Variants in DOCK5 observed in about 807,000 individuals in gnomAD.
The protein encoded by DOCK5 is dedicator of cytokinesis protein 5.
In DOCK5, 142 loss-of-function variants were observed where a neutral mutation model predicts 251.8. The ratio of observed to expected loss-of-function variants is 0.56; its 90% confidence interval spans 0.49 to 0.65. DOCK5 has a LOEUF of 0.65. Ranked by LOEUF, DOCK5 falls within the 30% of genes least tolerant of loss-of-function variation. DOCK5 has a pLI of 0.00. For synonymous variants in DOCK5, 842 were observed against 835.5 expected (o/e 1.01, Z -0.13); for missense variants, 2,111 against 2,312.3 (o/e 0.91, Z 1.79).
At chr8:25,225,442 C>T (rs1039092403) in intron 1 of DOCK5, among the ~76,000 whole-genome samples, 6 of 152,288 alleles carry the variant, frequency 3.9e-5, no homozygotes, top group African/African-American at 1.4e-4. Context: ...CGTGGTGGCT[C>T]ACGCCTGTAA....
At chr8:25,310,222 AT>A (rs1217286819) in intron 12 of DOCK5, among the ~76,000 whole-genome samples, 184 bp from the exon 13 acceptor site, 2 of 152,030 alleles carry the variant, frequency 1.3e-5, no homozygotes, top group Non-Finnish European at 2.9e-5. Context: ...TCTCTGTCAA[AT>A]TCTCAAAGAG....
intron 2 of DOCK5, among the ~76,000 whole-genome samples, chr8:25,254,958 T>A (rs1430247690): frequency 6.6e-6 from 1 of 151,986 alleles, no homozygotes; most frequent in East Asian, 1.9e-4. Context: ...TGAAAAGATA[T>A]TCAGCATCAT....
intron 3 of DOCK5, among the ~76,000 whole-genome samples, chr8:25,271,862 C>G (rs1010682695): frequency 2.6e-5 from 4 of 152,268 alleles, no homozygotes; most frequent in Middle Eastern, 3.4e-3. Flanking sequence ...AGGAGTCATT[C>G]TATAAGCATC....
chr8:25,406,648 G>A (rs1244447072), intron 48 of DOCK5, among the ~76,000 whole-genome samples: 1 of 151,464 alleles, frequency 6.6e-6, no homozygotes, highest in Non-Finnish European at 1.5e-5. Flanking sequence ...TTTTTTTTGA[G>A]ACAGAGTCTC....
rs1801237032 is a variant in DOCK5, at chr8:25,390,402, T to C, written c.4355+115T>C. ...GAGGAGTATTGCTCGAAGCCAGGAA[T>C]TTGAGACCAGCCTGGGCAACAAAGT... On this transcript the variant is annotated intron_variant, in intron 42 of 51. Coordinates refer to ENST00000276440, the MANE Select transcript of DOCK5 (RefSeq NM_024940.8). The C allele has an allele frequency of 4.4e-6, 4 of 905,540 alleles. No individual in the cohort carries two copies. The South Asian group carries it at 7.2e-5, about 16-fold the overall frequency. The allele number at this position is 905,540 out of a possible 1,614,324, so 56.1% of individuals were successfully genotyped here.
chr8:25,392,856 T>C lies in DOCK5; in HGVS notation c.4501T>C (p.Trp1501Arg). The C allele has an allele frequency of 6.2e-7, 1 of 1,612,758 alleles. No homozygotes were observed. The highest frequency in any genetic ancestry group is 8.5e-7 in the Non-Finnish European group (1 of 1,179,402). Reference sequence around the variant, plus strand: ...ATATACCTTTCCTGGGATTCTCAAGTGGTTTGAAGTCAAACAGATTTCAAC... The same window carrying C: ...ATATACCTTTCCTGGGATTCTCAAGCGGTTTGAAGTCAAACAGATTTCAAC... Reference protein sequence around the residue: ...TAYTFPGILKWFEVKQISTEE... With the variant: ...TAYTFPGILKRFEVKQISTEE... Residue 1501 changes from tryptophan to arginine, a missense_variant, in exon 44 of 52, where the codon TGG (tryptophan) becomes CGG (arginine). Trp to Arg is a moderately radical substitution (Grantham distance 101). This residue lies in a region of DOCK5 where 1,717 missense variants were observed against 1,892.4 expected (regional missense o/e 0.91). Transcript: ENST00000276440.
intron 1 of DOCK5, among the ~76,000 whole-genome samples, chr8:25,195,345 A>C (rs183498453): frequency 9.7e-5 from 14 of 145,010 alleles, no homozygotes; most frequent in African/African-American, 3.6e-4. Context: ...CTCCTGCCTC[A>C]GCCTCACAAG....
At position 25,190,775 on chromosome 8, in the gene DOCK5, G is replaced by GTTTTTTTTTT. The variant is rs755511798; in HGVS notation, c.43+5824_43+5825insTTTTTTTTTT. ...AAGGCCTGGCCTTAACTTGGTCATG[G>GTTTTTTTTTT]GTTTTTTTTTTTTTTTTTTTTTTTT... On this transcript the variant is annotated intron_variant, in intron 1 of 51. Coordinates refer to ENST00000276440, the MANE Select transcript of DOCK5 (RefSeq NM_024940.8). Among the ~76,000 whole-genome samples the GTTTTTTTTTT allele has an allele frequency of 1.3e-3, 72 of 53,972 alleles. 14 individuals carry two copies. Among genetic ancestry groups the GTTTTTTTTTT allele is most frequent in the African/African-American group, 3.4e-3 (50 of 14,876 alleles). The allele number at this position is 53,972 out of a possible 152,430, so 35.4% of individuals were successfully genotyped here.
chr8:25,347,939 G>A (rs544223583), intron 26 of DOCK5, among the ~76,000 whole-genome samples: 1 of 152,220 alleles, frequency 6.6e-6, no homozygotes, highest in South Asian at 2.1e-4. Context: ...TTTAAATCCT[G>A]TGCAAGGAGA....
At chr8:25,246,359 C>T (rs1331959760) in intron 2 of DOCK5, among the ~76,000 whole-genome samples, 6 of 152,066 alleles carry the variant, frequency 3.9e-5, no homozygotes, top group Non-Finnish European at 7.4e-5. Flanking sequence ...CTGTGATCTC[C>T]GTCTCCCGAG....
At chr8:25,245,792 G>A (rs186523073) in intron 2 of DOCK5, among the ~76,000 whole-genome samples, 10 of 152,194 alleles carry the variant, frequency 6.6e-5, no homozygotes, top group African/African-American at 2.4e-4. Context: ...GCCCCATCTT[G>A]GCCTCCCCAA....
intron 36 of DOCK5, among the ~76,000 whole-genome samples, chr8:25,374,010 A>G (rs17053499): frequency 6.6e-6 from 1 of 152,092 alleles, no homozygotes; most frequent in Non-Finnish European, 1.5e-5. Context: ...TACGTAACCA[A>G]CGTGCATGTT....
intron 13 of DOCK5, among the ~76,000 whole-genome samples, chr8:25,313,605 G>C (rs1363904985): frequency 6.6e-6 from 1 of 152,146 alleles, no homozygotes; most frequent in Non-Finnish European, 1.5e-5. Flanking sequence ...CCACGGACTG[G>C]GTGGCGTCAA....
intron 1 of DOCK5, among the ~76,000 whole-genome samples, chr8:25,240,371 T>A (rs914199393): frequency 6.6e-6 from 1 of 152,152 alleles, no homozygotes; most frequent in Non-Finnish European, 1.5e-5. Flanking sequence ...TTTAGTAAAT[T>A]TACAGAGTTG....
intron 1 of DOCK5, among the ~76,000 whole-genome samples, chr8:25,230,169 A>T (rs563946134): frequency 7.9e-5 from 12 of 152,312 alleles, no homozygotes; most frequent in African/African-American, 2.4e-4. Context: ...TAAAACGAGG[A>T]CTATGAGCTC....
chr8:25,216,978 A>G lies in DOCK5; in HGVS notation c.44-26696A>G, dbSNP rs540511049. Among the ~76,000 whole-genome samples the G allele has an allele frequency of 2.3e-4, 26 of 114,448 alleles. No homozygotes were observed. In the East Asian group the frequency reaches 6.5e-3, roughly 29 times the overall value. 75.1% of individuals were successfully genotyped at this position (114,448 alleles called of 152,430 possible). On this transcript the variant is annotated intron_variant, in intron 1 of 51. Transcript: ENST00000276440. ...ATGTATAGATGTATACAATATGTGTATACAATATGTATAGATGTATACAAT... is the reference window on the plus strand; with the variant it reads ...ATGTATAGATGTATACAATATGTGTGTACAATATGTATAGATGTATACAAT...
intron 21 of DOCK5, among the ~76,000 whole-genome samples, chr8:25,335,693 C>G (rs1407894191): frequency 6.6e-6 from 1 of 152,118 alleles, no homozygotes; most frequent in Non-Finnish European, 1.5e-5. Flanking sequence ...TAGAAAGACA[C>G]AAAGAGCAAC....
chr8:25,269,206 C>G (rs1803842113), intron 3 of DOCK5, among the ~76,000 whole-genome samples: 1 of 152,130 alleles, frequency 6.6e-6, no homozygotes, highest in South Asian at 2.1e-4. Flanking sequence ...AGGGGTGGAC[C>G]CACCCTTCTC....
chr8:25,317,305 A>G (rs950455609), intron 14 of DOCK5, 174 bp downstream of exon 14: 3 of 872,184 alleles, frequency 3.4e-6, no homozygotes, highest in Non-Finnish European at 1.7e-6. Context: ...TCACTAAGGA[A>G]GCTATCTAGA....
Sources: allele counts gnomAD v4.1 joint callset (sites outside exome capture counted in the v4.1 genomes callset), GRCh38; gene constraint gnomAD v4.1.1; regional missense constraint gnomAD v4.1.1; transcripts MANE v1.5; gene names NCBI Gene and HGNC (gene_info 2026-07-23, HGNC 2026-07-21).